The following RBFOX1 variants were observed in gnomAD, a reference collection of about 807,000 sequenced individuals.
RBFOX1 encodes the protein RNA binding fox-1 homolog 1.
RBFOX1 carries 8 observed loss-of-function variants against 57.7 expected under a neutral mutation model. That is an observed-to-expected ratio of 0.14 (90% CI 0.08 to 0.25). The LOEUF (loss-of-function observed/expected upper bound fraction) is 0.25, where lower values mean the gene tolerates loss of function less well. RBFOX1 is among the 10% of genes least tolerant of loss of function. The pLI, the probability that RBFOX1 is intolerant of heterozygous loss-of-function variation, is 1.00. For missense variants in RBFOX1, 611 were observed against 548.5 expected (o/e 1.11, Z -1.14); for synonymous variants, 326 against 222.4 (o/e 1.47, Z -4.15).
intron 3 of RBFOX1, among the ~76,000 whole-genome samples, chr16:5,657,020 A>G (rs2049453970): frequency 6.6e-6 from 1 of 152,208 alleles, no homozygotes; most frequent in Admixed American, 6.5e-5. Context: ...TGATGGGTGC[A>G]GCAGACCAAC....
At chr16:5,807,910 C>T (rs2055285570) in intron 3 of RBFOX1, among the ~76,000 whole-genome samples, 1 of 152,148 alleles carries the variant, frequency 6.6e-6, no homozygotes, top group Non-Finnish European at 1.5e-5. Flanking sequence ...GAACCACATC[C>T]ACCCCAGACA....
intron 4 of RBFOX1, among the ~76,000 whole-genome samples, chr16:5,906,727 C>CTTTTTTTTTT (rs57589514): frequency 2.1e-4 from 15 of 71,484 alleles, no homozygotes; most frequent in South Asian, 7.1e-4. Context: ...ATCCTAGATT[C>CTTTTTTTTTT]TTTTTTTTTT....
chr16:5,459,026 A>G (rs112581456), intron 1 of RBFOX1, among the ~76,000 whole-genome samples: 2 of 152,094 alleles, frequency 1.3e-5, no homozygotes, highest in South Asian at 2.1e-4. Context: ...CATATCCCAT[A>G]TCTCTGAAGA....
intron 2 of RBFOX1, among the ~76,000 whole-genome samples, chr16:6,568,683 G>A (rs1053458145): frequency 6.6e-6 from 1 of 152,150 alleles, no homozygotes; most frequent in Non-Finnish European, 1.5e-5. Flanking sequence ...ATGTAACTCT[G>A]TATAACAGTA....
intron 1 of RBFOX1, among the ~76,000 whole-genome samples, chr16:5,275,782 A>G (rs866995221): frequency 6.6e-6 from 1 of 152,360 alleles, no homozygotes; most frequent in African/African-American, 2.4e-5. Context: ...CCCAACTTCA[A>G]ACTATATTAC....
chr16:7,187,688 CACAAAAAAAAAAAAA>C lies in RBFOX1; in HGVS notation c.27+135592_27+135606del, dbSNP rs1371932068. Among the ~76,000 whole-genome samples, 17 of 43,226 alleles carry C rather than the reference CACAAAAAAAAAAAAA, an allele frequency of 3.9e-4. No individual in the cohort carries two copies. The South Asian group carries it at 4.4e-3, about 11-fold the overall frequency. The allele number at this position is 43,226 out of a possible 152,430, so 28.4% of individuals were successfully genotyped here. ...TGGGCAACAGAATGAGACTCTGTCT[CACAAAAAAAAAAAAA>C]AAAAAAAAAAAAAAAAAAAAAAGGA... On this transcript the variant is annotated intron_variant, in intron 4 of 15. Coordinates refer to ENST00000550418, the MANE Select transcript of RBFOX1 (RefSeq NM_018723.4).
intron 4 of RBFOX1, among the ~76,000 whole-genome samples, chr16:7,479,799 A>G (rs532690959): frequency 3.3e-5 from 5 of 152,284 alleles, no homozygotes; most frequent in African/African-American, 1.2e-4. Flanking sequence ...AGCATGTCGA[A>G]TTTGTAACAA....
intron 4 of RBFOX1, among the ~76,000 whole-genome samples, chr16:7,441,542 G>A (rs563628635): frequency 1.2e-4 from 18 of 148,238 alleles, no homozygotes; most frequent in South Asian, 6.6e-4. Context: ...TCTTTTTCAC[G>A]TCAGGGCTTG....
intron 2 of RBFOX1, among the ~76,000 whole-genome samples, chr16:6,614,661 T>C (rs1357418580): frequency 2.0e-5 from 3 of 152,172 alleles, no homozygotes; most frequent in Non-Finnish European, 4.4e-5. Flanking sequence ...CTTTCCTTAC[T>C]CCTAGTGATT....
At chr16:5,256,187 C>T (rs184394246) in intron 1 of RBFOX1, among the ~76,000 whole-genome samples, 2 of 152,244 alleles carry the variant, frequency 1.3e-5, no homozygotes, top group East Asian at 3.9e-4. Flanking sequence ...AAAAAGTTCC[C>T]CATTGAATTG....
At chr16:5,344,320 C>T (rs966570923) in intron 1 of RBFOX1, among the ~76,000 whole-genome samples, 2 of 152,198 alleles carry the variant, frequency 1.3e-5, no homozygotes, top group Non-Finnish European at 2.9e-5. Flanking sequence ...CTTTCTACAT[C>T]AGCTGTGTCA....
At chr16:6,595,228 C>G (rs2097765494) in intron 2 of RBFOX1, among the ~76,000 whole-genome samples, 1 of 152,170 alleles carries the variant, frequency 6.6e-6, no homozygotes. Flanking sequence ...TTACCCCACC[C>G]TGTAGCCCTA....
chr16:7,474,544 G>A (rs977615298), intron 4 of RBFOX1, among the ~76,000 whole-genome samples: 1 of 152,122 alleles, frequency 6.6e-6, no homozygotes, highest in Non-Finnish European at 1.5e-5. Context: ...AAGCAATTAC[G>A]GTTTTTGCCT....
chr16:7,208,926 G>T (rs997214071), intron 4 of RBFOX1, among the ~76,000 whole-genome samples: 1 of 151,892 alleles, frequency 6.6e-6, no homozygotes, highest in African/African-American at 2.4e-5. Context: ...TTCCCTTCCT[G>T]GCGGGCATTA....
chr16:7,674,902 G>C (rs1486308859), intron 13 of RBFOX1, among the ~76,000 whole-genome samples: 1 of 152,172 alleles, frequency 6.6e-6, no homozygotes, highest in Non-Finnish European at 1.5e-5. Flanking sequence ...CAAGAGGCTT[G>C]CAAATAGGAT....
chr16:7,132,450 AC>A (rs1351810771), intron 4 of RBFOX1, among the ~76,000 whole-genome samples: 1 of 67,856 alleles, frequency 1.5e-5, no homozygotes, highest in East Asian at 8.1e-4. Flanking sequence ...ACACACACAC[AC>A]ACACACACAC....
chr16:7,369,454 G>A (rs181078648), intron 4 of RBFOX1, among the ~76,000 whole-genome samples: 8 of 152,038 alleles, frequency 5.3e-5, no homozygotes, highest in African/African-American at 1.2e-4. Context: ...ATATGTTCAC[G>A]CATGGAACCA....
intron 3 of RBFOX1, among the ~76,000 whole-genome samples, chr16:7,005,151 A>C (rs565437134): frequency 9.5e-4 from 144 of 151,746 alleles, no homozygotes; most frequent in Non-Finnish European, 1.5e-3. Flanking sequence ...TCTCAAAAAC[A>C]AAAAACGAAA....
intron 3 of RBFOX1, among the ~76,000 whole-genome samples, chr16:5,638,748 G>A (rs1288492741): frequency 6.6e-6 from 1 of 152,204 alleles, no homozygotes; most frequent in Non-Finnish European, 1.5e-5. Flanking sequence ...CATAGAGCTT[G>A]AGTAGGATCC....
Sources: gnomAD v4.1 joint callset for allele counts (sites outside exome capture counted in the v4.1 genomes callset) on GRCh38, gnomAD v4.1.1 for gene constraint, MANE v1.5 for transcripts, NCBI Gene and HGNC (gene_info 2026-07-23, HGNC 2026-07-21) for gene names.